MAGI2: variants seen among roughly 807,000 people sequenced by gnomAD.
MAGI2 encodes membrane-associated guanylate kinase, WW and PDZ domain-containing protein 2.
A neutral mutation model predicts 133.3 loss-of-function variants in MAGI2; 35 were observed. The ratio of observed to expected loss-of-function variants is 0.26; its 90% CI spans 0.20 to 0.35. The LOEUF (loss-of-function observed/expected upper bound fraction) is 0.35, where lower values mean the gene tolerates loss of function less well. Among genes scored for constraint, MAGI2 ranks in the 10% least tolerant of loss-of-function variants. The probability of loss-of-function intolerance (pLI) is 1.00; values close to 1 mark genes in which losing one functional copy is unlikely to be tolerated. For missense variants in MAGI2, 1,636 were observed against 1,863.4 expected, an observed-to-expected ratio of 0.88 and a Z score of 2.25; for synonymous variants, 729 against 710.6, an observed-to-expected ratio of 1.03 and a Z score of -0.41.
intron 4 of MAGI2, among the ~76,000 whole-genome samples, chr7:78,513,817 G>A (rs938947464): frequency 3.9e-5 from 6 of 152,042 alleles, no homozygotes; most frequent in African/African-American, 9.7e-5. Context: ...GGCCGGGTGC[G>A]GTGGCTCACG....
intron 1 of MAGI2, among the ~76,000 whole-genome samples, chr7:79,155,154 T>C (rs536472274): frequency 6.6e-6 from 1 of 152,302 alleles, no homozygotes; most frequent in Non-Finnish European, 1.5e-5. Flanking sequence ...GAGGAGGGCT[T>C]ACTGTTAATG....
intron 21 of MAGI2, among the ~76,000 whole-genome samples, chr7:78,076,610 G>A (rs574804546): frequency 4.6e-5 from 7 of 151,684 alleles, no homozygotes; most frequent in South Asian, 2.1e-4. Context: ...ACTTTGGGAG[G>A]CCGAGGCGGG....
Position 79,195,263 on chromosome 7 carries a change from C to A in MAGI2, c.302-188057G>T, listed in dbSNP as rs144896861. Among the ~76,000 whole-genome samples the A allele has an allele frequency of 4.2e-3, 633 of 152,066 alleles. 6 individuals are homozygous for A. Among genetic ancestry groups the A allele is most frequent in the African/African-American group, 0.015 (622 of 41,418 alleles). ...GTGGTGTTAATGAAAGCACCTCTTA[C>A]AAATGAAAATCAGATGTTCACCTAT... On this transcript the variant is annotated intron_variant, in intron 1 of 21. Transcript: ENST00000354212.
intron 1 of MAGI2, among the ~76,000 whole-genome samples, chr7:79,149,063 ATATAT>A (rs1040807920): frequency 2.8e-5 from 4 of 143,954 alleles, no homozygotes; most frequent in African/African-American, 7.6e-5. Context: ...ATATAATATA[ATATAT>A]TATATATATG....
intron 2 of MAGI2, among the ~76,000 whole-genome samples, chr7:78,963,669 C>T (rs146480266): frequency 1.3e-5 from 2 of 151,950 alleles, no homozygotes; most frequent in Admixed American, 6.6e-5. Flanking sequence ...CAAACAACAA[C>T]TCCTGAAAGC....
At chr7:79,430,280 A>T (rs568438848) in intron 1 of MAGI2, among the ~76,000 whole-genome samples, 1 of 152,222 alleles carries the variant, frequency 6.6e-6, no homozygotes, top group Admixed American at 6.5e-5. Context: ...GTTACCCTTC[A>T]CAATTATAGC....
chr7:79,427,704 A>G (rs954416420), intron 1 of MAGI2, among the ~76,000 whole-genome samples: 3 of 152,184 alleles, frequency 2.0e-5, no homozygotes, highest in Admixed American at 2.0e-4. Context: ...GTTTTATTAT[A>G]GCAAATTCTT....
chr7:79,357,839 A>T (rs1167597944), intron 1 of MAGI2, among the ~76,000 whole-genome samples: 2 of 152,192 alleles, frequency 1.3e-5, no homozygotes, highest in Non-Finnish European at 1.5e-5. Context: ...CTATAAAAAA[A>T]CCTTGTCTCC....
intron 1 of MAGI2, among the ~76,000 whole-genome samples, chr7:79,131,214 T>A (rs1164808620): frequency 6.6e-6 from 1 of 152,172 alleles, no homozygotes; most frequent in African/African-American, 2.4e-5. Flanking sequence ...TCAGTGCTGT[T>A]CATACTGTTC....
intron 18 of MAGI2, among the ~76,000 whole-genome samples, chr7:78,130,367 C>T (rs542392314): frequency 2.6e-5 from 4 of 152,222 alleles, no homozygotes; most frequent in African/African-American, 7.2e-5. Context: ...TATTTTATCC[C>T]GCTCTAACAT....
intron 2 of MAGI2, among the ~76,000 whole-genome samples, chr7:78,974,827 A>G (rs1804100560): frequency 6.6e-6 from 1 of 151,884 alleles, no homozygotes; most frequent in Non-Finnish European, 1.5e-5. Flanking sequence ...AACATCATCC[A>G]CCTAACCAAA....
At chr7:78,945,783 C>T (rs562347018) in intron 2 of MAGI2, among the ~76,000 whole-genome samples, 6 of 152,246 alleles carry the variant, frequency 3.9e-5, no homozygotes, top group African/African-American at 9.6e-5. Context: ...ATACTGTGTG[C>T]GTCACACAGG....
At chr7:78,465,232 G>A (rs915904478) in intron 6 of MAGI2, among the ~76,000 whole-genome samples, 1 of 152,152 alleles carries the variant, frequency 6.6e-6, no homozygotes, top group Non-Finnish European at 1.5e-5. Flanking sequence ...GATATGAGCA[G>A]GTGTCTGTAG....
intron 16 of MAGI2, among the ~76,000 whole-genome samples, chr7:78,157,856 T>C (rs1044185445): frequency 6.6e-6 from 1 of 152,252 alleles, no homozygotes; most frequent in African/African-American, 2.4e-5. Flanking sequence ...ATTGGATTTA[T>C]TTCTTCAGCT....
chr7:78,315,326 T>C (rs1787299994), intron 9 of MAGI2, among the ~76,000 whole-genome samples: 2 of 152,208 alleles, frequency 1.3e-5, no homozygotes, highest in Admixed American at 6.5e-5. Flanking sequence ...TCACACTAAC[T>C]GGCATATACT....
At chr7:78,186,535 GA>G (rs898819311) in intron 12 of MAGI2, among the ~76,000 whole-genome samples, 9 of 152,138 alleles carry the variant, frequency 5.9e-5, no homozygotes, top group African/African-American at 2.2e-4. Context: ...ATGTGAAGAA[GA>G]ACATAATTAA....
At chr7:79,320,414 A>G (rs1839087396) in intron 1 of MAGI2, among the ~76,000 whole-genome samples, 1 of 151,450 alleles carries the variant, frequency 6.6e-6, no homozygotes, top group Non-Finnish European at 1.5e-5. Context: ...TGTGGTATGA[A>G]TATTTCTCCA....
intron 9 of MAGI2, among the ~76,000 whole-genome samples, chr7:78,288,018 A>G (rs1239151201): frequency 1.3e-5 from 2 of 152,198 alleles, no homozygotes; most frequent in African/African-American, 4.8e-5. Flanking sequence ...AGAAATGCCT[A>G]TAAATACTAT....
intron 1 of MAGI2, among the ~76,000 whole-genome samples, chr7:79,071,889 A>C (rs1226341553): frequency 1.3e-5 from 2 of 152,106 alleles, no homozygotes; most frequent in Non-Finnish European, 2.9e-5. Context: ...ATCTTAGCTT[A>C]CTGGGCTCCG....
Sources: allele counts gnomAD v4.1 joint callset (sites outside exome capture counted in the v4.1 genomes callset), GRCh38; gene constraint gnomAD v4.1.1; transcripts MANE v1.5; gene names NCBI Gene and HGNC (gene_info 2026-07-23, HGNC 2026-07-21).